FMNL2: variants seen among roughly 807,000 people sequenced by gnomAD.
FMNL2 encodes the protein formin-like protein 2.
In FMNL2, 51 loss-of-function variants were observed where a neutral mutation model predicts 130.2. The ratio of observed to expected loss-of-function variants is 0.39; its 90% CI spans 0.31 to 0.49. The LOEUF (loss-of-function observed/expected upper bound fraction) is 0.49. Ranked by LOEUF, FMNL2 falls within the 20% of genes least tolerant of loss-of-function variation. FMNL2 has a pLI of 0.85. For synonymous variants in FMNL2, 465 were observed against 467.1 expected (o/e 1.00, Z 0.06); for missense variants, 977 against 1,316.2 (o/e 0.74, Z 3.99).
At chr2:152,362,724 T>C (rs942615113) in intron 1 of FMNL2, among the ~76,000 whole-genome samples, 1 of 152,182 alleles carries the variant, frequency 6.6e-6, no homozygotes, top group South Asian at 2.1e-4. Context: ...AAGGAGACCC[T>C]TTTATGGACA....
rs10539703 is a variant in FMNL2 at position 152,439,079 on chromosome 2, T to TTGTGTGTGTGTGTG, written c.118-82841_118-82828dup. ...GTGAAGTGGAAGGAATTCAGTTTAATTGTGTGTGTGTGTGTGTGTGTGTGT... is the reference window on the plus strand; with the variant it reads ...GTGAAGTGGAAGGAATTCAGTTTAATTGTGTGTGTGTGTGTGTGTGTGTGTGTGTGTGTGTGTGT... On this transcript the variant is annotated intron_variant, in intron 1 of 25. Transcript: ENST00000288670. Among the ~76,000 whole-genome samples the TTGTGTGTGTGTGTG allele has an allele frequency of 1.6e-3, 238 of 144,588 alleles. 2 individuals carry two copies. Among genetic ancestry groups the TTGTGTGTGTGTGTG allele is most frequent in the Middle Eastern group, 0.01 (3 of 292 alleles). The allele number at this position is 144,588 out of a possible 152,430, so 94.9% of individuals were successfully genotyped here. A position where few individuals can be genotyped will look rare whatever the true frequency, so the allele number is the denominator to read the frequency against.
chr2:152,362,595 T>C (rs1683244598), intron 1 of FMNL2, among the ~76,000 whole-genome samples: 1 of 152,068 alleles, frequency 6.6e-6, no homozygotes. Context: ...GCTTGCTTTT[T>C]TTTTTGTGAT....
In FMNL2 at chr2:152,387,640, G is replaced by A. The variant is rs1579541755; in HGVS notation, c.117+51920G>A. Among the ~76,000 whole-genome samples, 5 of 151,994 alleles carry A rather than the reference G, an allele frequency of 3.3e-5. No homozygotes were observed. The South Asian group carries it at 1.0e-3, about 32-fold the overall frequency. On this transcript the variant is annotated intron_variant, in intron 1 of 25. Transcript: ENST00000288670. Reference sequence around the variant, plus strand: ...CTCCATGTCTGGTTGTTTTTTAAATGTGTGTGTTTTTTCTTTTTTTTTGGT... The same window carrying A: ...CTCCATGTCTGGTTGTTTTTTAAATATGTGTGTTTTTTCTTTTTTTTTGGT...
intron 1 of FMNL2, among the ~76,000 whole-genome samples, chr2:152,448,770 A>G (rs912649721): frequency 2.0e-5 from 3 of 152,188 alleles, no homozygotes; most frequent in African/African-American, 7.2e-5. Flanking sequence ...TAAGAAAAAC[A>G]TTTTTTGCAA....
intron 2 of FMNL2, among the ~76,000 whole-genome samples, chr2:152,528,638 A>G (rs775989512): frequency 2.0e-5 from 3 of 152,206 alleles, no homozygotes; most frequent in Non-Finnish European, 2.9e-5. Context: ...TGGCATCTGC[A>G]AACACCCTTT....
intron 4 of FMNL2, among the ~76,000 whole-genome samples, chr2:152,553,659 C>A (rs1314642075): frequency 6.7e-6 from 1 of 149,964 alleles, no homozygotes; most frequent in Non-Finnish European, 1.5e-5. Flanking sequence ...GAAATTAAAA[C>A]TGATAAATTT....
chr2:152,568,888 A>G (rs1197448117), intron 6 of FMNL2, among the ~76,000 whole-genome samples: 1 of 152,192 alleles, frequency 6.6e-6, no homozygotes, highest in Non-Finnish European at 1.5e-5. Context: ...GCCAAACCAT[A>G]TCATTACAGA....
At chr2:152,574,112 A>G (rs1259167572) in intron 6 of FMNL2, among the ~76,000 whole-genome samples, 1 of 152,228 alleles carries the variant, frequency 6.6e-6, no homozygotes, top group Non-Finnish European at 1.5e-5. Flanking sequence ...ATAAAAAGAA[A>G]GAATGTGCTA....
chr2:152,376,838 G>A (rs1684202373), intron 1 of FMNL2, among the ~76,000 whole-genome samples: 1 of 152,156 alleles, frequency 6.6e-6, no homozygotes, highest in African/African-American at 2.4e-5. Context: ...CTTGTGTTTG[G>A]TTAGGACACC....
At chr2:152,631,617 C>T (rs1295304089) in intron 20 of FMNL2, among the ~76,000 whole-genome samples, 2 of 151,956 alleles carry the variant, frequency 1.3e-5, no homozygotes, top group African/African-American at 4.8e-5. Context: ...GAGTGGTGCG[C>T]AATTCAAATC....
chr2:152,452,164 C>T (rs537137617), intron 1 of FMNL2, among the ~76,000 whole-genome samples: 1 of 152,274 alleles, frequency 6.6e-6, no homozygotes, highest in African/African-American at 2.4e-5. Flanking sequence ...TTTTCTTTCC[C>T]CATCCCCGAA....
chr2:152,568,988 A>G (rs548888945), intron 6 of FMNL2, among the ~76,000 whole-genome samples: 1 of 152,266 alleles, frequency 6.6e-6, no homozygotes, highest in Non-Finnish European at 1.5e-5. Flanking sequence ...AAGAATTTTC[A>G]TAGACACACC....
chr2:152,361,344 A>G (rs73967831), intron 1 of FMNL2, among the ~76,000 whole-genome samples: 13,406 of 152,234 alleles, frequency 0.088, 668 homozygotes, highest in African/African-American at 0.14. Context: ...CATGAAAACC[A>G]AAAACACAGG....
At chr2:152,579,955 T>A (rs11892222) in intron 8 of FMNL2, among the ~76,000 whole-genome samples, 35,989 of 152,150 alleles carry the variant, frequency 0.24, 5,977 homozygotes, top group African/African-American at 0.47. Context: ...CAAAAATCTG[T>A]TTATAAATTA....
intron 1 of FMNL2, among the ~76,000 whole-genome samples, chr2:152,371,016 T>C (rs1427431289): frequency 2.0e-5 from 3 of 152,186 alleles, no homozygotes; most frequent in African/African-American, 7.2e-5. Context: ...AGTTGGTAAG[T>C]TGCTGTTGCC....
chr2:152,340,782 C>A (rs919858421), intron 1 of FMNL2, among the ~76,000 whole-genome samples: 2 of 152,132 alleles, frequency 1.3e-5, no homozygotes, highest in Non-Finnish European at 2.9e-5. Context: ...ACCTCTGCTA[C>A]CCGGGTTCAA....
chr2:152,579,804 G>A (rs7608585), intron 8 of FMNL2, among the ~76,000 whole-genome samples: 115,057 of 152,230 alleles, frequency 0.76, 43,772 homozygotes, highest in East Asian at 0.94. Context: ...CACATCACAC[G>A]TTAGTCGTAA....
intron 1 of FMNL2, among the ~76,000 whole-genome samples, chr2:152,482,219 T>G (rs772000430): frequency 4.6e-5 from 7 of 152,218 alleles, no homozygotes; most frequent in Non-Finnish European, 1.0e-4. Context: ...GTACTTAAAT[T>G]AAAAAATACT....
At chr2:152,627,134 G>T (rs578244374) in intron 17 of FMNL2, among the ~76,000 whole-genome samples, 1 of 152,290 alleles carries the variant, frequency 6.6e-6, no homozygotes, top group East Asian at 1.9e-4. Flanking sequence ...TGGAGTATCT[G>T]GATTTTATCC....
Sources: allele counts gnomAD v4.1 joint callset (sites outside exome capture counted in the v4.1 genomes callset), GRCh38; gene constraint gnomAD v4.1.1; transcripts MANE v1.5; gene names NCBI Gene and HGNC (gene_info 2026-07-23, HGNC 2026-07-21).